Variants in CCSER1 observed in about 807,000 individuals in gnomAD.
CCSER1 encodes the protein serine-rich coiled-coil domain-containing protein 1.
A neutral mutation model predicts 82.0 loss-of-function variants in CCSER1; 41 were observed. The observed-to-expected ratio is 0.50, with a 90% confidence interval of 0.39 to 0.65. The LOEUF (loss-of-function observed/expected upper bound fraction) is 0.65. Ranked by LOEUF, CCSER1 falls within the 30% of genes least tolerant of loss-of-function variation. The probability of loss-of-function intolerance (pLI) is 0.00; values close to 1 mark genes in which losing one functional copy is unlikely to be tolerated. For missense variants in CCSER1, 1,119 were observed against 1,064.2 expected, an observed-to-expected ratio of 1.05 and a Z score of -0.72; for synonymous variants, 414 against 383.9, an observed-to-expected ratio of 1.08 and a Z score of -0.92.
intron 6 of CCSER1, among the ~76,000 whole-genome samples, chr4:90,646,393 T>C (rs2149013908): frequency 6.6e-6 from 1 of 152,218 alleles, no homozygotes; most frequent in Non-Finnish European, 1.5e-5. Flanking sequence ...AGTGTGTGTA[T>C]TTGTATACAC....
intron 5 of CCSER1, among the ~76,000 whole-genome samples, chr4:90,515,923 C>A (rs1433130538): frequency 6.6e-6 from 1 of 152,154 alleles, no homozygotes; most frequent in Non-Finnish European, 1.5e-5. Flanking sequence ...TCTTATTGAT[C>A]TTTTCTCTTA....
At chr4:90,636,423 T>A (rs972050477) in intron 6 of CCSER1, among the ~76,000 whole-genome samples, 1 of 151,900 alleles carries the variant, frequency 6.6e-6, no homozygotes, top group Non-Finnish European at 1.5e-5. Flanking sequence ...CAAAAATCCT[T>A]ATAGGAAAAA....
At chr4:91,244,793 C>T (rs1258930421) in intron 10 of CCSER1, among the ~76,000 whole-genome samples, 1 of 152,072 alleles carries the variant, frequency 6.6e-6, no homozygotes, top group Non-Finnish European at 1.5e-5. Context: ...TTAAATAAGG[C>T]ACCAAGGACC....
intron 8 of CCSER1, among the ~76,000 whole-genome samples, chr4:90,869,564 CT>C (rs1318089194): frequency 1.3e-5 from 2 of 150,556 alleles, no homozygotes; most frequent in South Asian, 2.1e-4. Context: ...CTTTATGTGG[CT>C]TTTTTTTTCT....
chr4:90,714,723 T>G (rs1337650889), intron 6 of CCSER1, among the ~76,000 whole-genome samples: 1 of 152,012 alleles, frequency 6.6e-6, no homozygotes, highest in African/African-American at 2.4e-5. Context: ...AACTGCAGTT[T>G]TCTAAAATCG....
At chr4:91,079,172 C>A (rs192422351) in intron 9 of CCSER1, among the ~76,000 whole-genome samples, 41 of 151,906 alleles carry the variant, frequency 2.7e-4, no homozygotes, top group Non-Finnish European at 1.8e-4. Context: ...TAAGGGCAGC[C>A]AGACAGGTCA....
chr4:91,322,415 T>C (rs1185321595), intron 10 of CCSER1, among the ~76,000 whole-genome samples: 2 of 151,992 alleles, frequency 1.3e-5, no homozygotes, highest in African/African-American at 4.8e-5. Flanking sequence ...GTCAATATGA[T>C]TTTGAAAGAG....
At chr4:90,394,168 G>A (rs1751634955) in intron 3 of CCSER1, among the ~76,000 whole-genome samples, 1 of 150,708 alleles carries the variant, frequency 6.6e-6, no homozygotes, top group African/African-American at 2.4e-5. Context: ...ATGATCTGGA[G>A]AATTGATTCA....
chr4:91,159,350 C>G (rs193260110), intron 10 of CCSER1, among the ~76,000 whole-genome samples: 50 of 151,984 alleles, frequency 3.3e-4, no homozygotes, highest in African/African-American at 1.2e-3. Context: ...TTATTTCATT[C>G]TGTGTTCCAT....
intron 3 of CCSER1, among the ~76,000 whole-genome samples, chr4:90,391,194 A>G (rs1277604949): frequency 6.8e-6 from 1 of 146,042 alleles, no homozygotes; most frequent in East Asian, 2.0e-4. Context: ...AATCTCTTGA[A>G]CCTGGGAGGC....
intron 8 of CCSER1, among the ~76,000 whole-genome samples, chr4:90,910,350 C>T (rs1313103769): frequency 1.3e-5 from 2 of 152,298 alleles, no homozygotes; most frequent in East Asian, 3.9e-4. Flanking sequence ...TCCTTTACAT[C>T]TAGAATATGA....
At chr4:90,555,675 G>T (rs755985530) in intron 5 of CCSER1, among the ~76,000 whole-genome samples, 12 of 151,964 alleles carry the variant, frequency 7.9e-5, no homozygotes, top group Non-Finnish European at 1.8e-4. Context: ...ATACTAAATA[G>T]TAACTATTGT....
intron 9 of CCSER1, among the ~76,000 whole-genome samples, chr4:90,931,662 T>G (rs976152157): frequency 3.9e-5 from 6 of 152,176 alleles, no homozygotes; most frequent in African/African-American, 1.4e-4. Context: ...TTCATTAAGT[T>G]ACCTAATTTT....
chr4:90,647,570 G>T (rs181456343), intron 6 of CCSER1, among the ~76,000 whole-genome samples: 1 of 152,216 alleles, frequency 6.6e-6, no homozygotes, highest in African/African-American at 2.4e-5. Flanking sequence ...TAAGTAAAAT[G>T]AGTGAAATAG....
At chr4:91,567,399 A>T (rs1262797407) in intron 10 of CCSER1, among the ~76,000 whole-genome samples, 1 of 152,014 alleles carries the variant, frequency 6.6e-6, no homozygotes, top group Non-Finnish European at 1.5e-5. Context: ...TATCCAATCC[A>T]TTTGGTCCAA....
intron 4 of CCSER1, among the ~76,000 whole-genome samples, chr4:90,430,897 T>G (rs2153566495): frequency 6.6e-6 from 1 of 152,036 alleles, no homozygotes; most frequent in Admixed American, 6.6e-5. Flanking sequence ...TAATTTAAAT[T>G]TTTAGTAGGG....
intron 10 of CCSER1, among the ~76,000 whole-genome samples, chr4:91,166,362 A>T (rs188250465): frequency 1.7e-4 from 26 of 152,106 alleles, no homozygotes; most frequent in Admixed American, 3.9e-4. Context: ...ACTGGTGATT[A>T]AAAAAAAGTG....
At chr4:90,325,470 T>G (rs1164519997) in intron 3 of CCSER1, 1 of 178,370 alleles carries the variant, frequency 5.6e-6, no homozygotes, top group African/African-American at 2.3e-5. Context: ...TATATTATTT[T>G]TAATTGGATC....
intron 6 of CCSER1, among the ~76,000 whole-genome samples, chr4:90,636,623 G>GA (rs1725461290): frequency 6.6e-6 from 1 of 151,918 alleles, no homozygotes; most frequent in African/African-American, 2.4e-5. Context: ...ATTAATAGAT[G>GA]AAAAAAGTAC....
Sources: gnomAD v4.1 joint callset for allele counts (sites outside exome capture counted in the v4.1 genomes callset) on GRCh38, gnomAD v4.1.1 for gene constraint, MANE v1.5 for transcripts, NCBI Gene and HGNC (gene_info 2026-07-23, HGNC 2026-07-21) for gene names.